Variants in RYK observed in about 807,000 individuals in gnomAD.
The protein encoded by RYK is receptor like tyrosine kinase.
In RYK, 21 loss-of-function variants were observed where a neutral mutation model predicts 70.2. That is an observed-to-expected ratio of 0.30 (90% CI 0.21 to 0.43). RYK has a LOEUF of 0.43. RYK is among the 20% of genes least tolerant of loss of function. The pLI is 1.00. For synonymous variants in RYK, 267 were observed against 278.0 expected (o/e 0.96, Z 0.39); for missense variants, 604 against 753.3 (o/e 0.80, Z 2.32).
Position 134,192,349 on chromosome 3 carries a change from C to A in RYK, c.890-375G>T, listed in dbSNP as rs116356302. Among the ~76,000 whole-genome samples, 1,200 of 152,120 alleles carry A rather than the reference C, an allele frequency of 7.9e-3. 14 individuals are homozygous for A. The highest frequency in any genetic ancestry group is 0.028 in the African/African-American group (1,149 of 41,516). On this transcript the variant is annotated intron_variant, in intron 7 of 14. Transcript: ENST00000623711. ...CTCCCAAAAGGTTTTCTAATATAGT[C>A]TCATAACACACCAACTTTTCAAATG...
At chr3:134,165,254 T>C (rs1458079399) in intron 13 of RYK, among the ~76,000 whole-genome samples, 1 of 152,218 alleles carries the variant, frequency 6.6e-6, no homozygotes, top group Non-Finnish European at 1.5e-5. Flanking sequence ...AACTCACTTA[T>C]TAGTTTTAGT....
At chr3:134,183,562 C>T (rs1192489603) in intron 9 of RYK, among the ~76,000 whole-genome samples, 1 of 152,158 alleles carries the variant, frequency 6.6e-6, no homozygotes, top group Admixed American at 6.5e-5. Flanking sequence ...AAAAATTCCA[C>T]TACCTACTAT....
chr3:134,204,269 T>C (rs368637397), intron 5 of RYK, among the ~76,000 whole-genome samples: 1 of 151,624 alleles, frequency 6.6e-6, no homozygotes, highest in South Asian at 2.1e-4. Flanking sequence ...CTGAGGTGGG[T>C]GATCCCTTGA....
chr3:134,249,890 C>G (rs893602718), intron 1 of RYK, among the ~76,000 whole-genome samples: 1 of 144,072 alleles, frequency 6.9e-6, no homozygotes, highest in Admixed American at 6.9e-5. Context: ...ATTTGGTGCC[C>G]TTATAACCTC....
At chr3:134,212,004 G>A (rs2107679922) in intron 2 of RYK, among the ~76,000 whole-genome samples, 1 of 152,306 alleles carries the variant, frequency 6.6e-6, no homozygotes, top group Admixed American at 6.5e-5. Flanking sequence ...TGAAAGCCAA[G>A]CTCGGAGGGC....
At chr3:134,178,117 A>C in intron 10 of RYK, 44 bp from the exon 11 acceptor site, 1 of 1,360,208 alleles carries the variant, frequency 7.4e-7, no homozygotes, top group South Asian at 1.4e-5. Flanking sequence ...AGGAATCCAA[A>C]ATGTTAGGGG....
At chr3:134,225,977 G>A (rs577453041) in intron 1 of RYK, among the ~76,000 whole-genome samples, 2 of 151,444 alleles carry the variant, frequency 1.3e-5, no homozygotes, top group Admixed American at 6.6e-5. Context: ...TCATGAATTA[G>A]ACCACATGCA....
chr3:134,175,343 TAAA>T (rs75907041), intron 13 of RYK, among the ~76,000 whole-genome samples: 8 of 128,882 alleles, frequency 6.2e-5, no homozygotes, highest in Admixed American at 7.8e-5. Context: ...AACTCTGTCT[TAAA>T]AAAAAAAAAA....
chr3:134,239,840 G>T (rs893031460), intron 1 of RYK, among the ~76,000 whole-genome samples: 1 of 152,234 alleles, frequency 6.6e-6, no homozygotes, highest in Non-Finnish European at 1.5e-5. Context: ...AGGCACTGGG[G>T]ATCAACCCTA....
chr3:134,242,712 T>A, intron 1 of RYK, among the ~76,000 whole-genome samples: 1 of 152,216 alleles, frequency 6.6e-6, no homozygotes, highest in East Asian at 1.9e-4. Flanking sequence ...TACTCACATG[T>A]TTGATTTGTC....
intron 11 of RYK, among the ~76,000 whole-genome samples, chr3:134,176,296 C>T (rs2013098012): frequency 6.6e-6 from 1 of 152,196 alleles, no homozygotes; most frequent in African/African-American, 2.4e-5. Context: ...CCCCAATATC[C>T]AGCACACACA....
intron 13 of RYK, 42 bp from the exon 14 acceptor site, chr3:134,159,415 A>C: frequency 6.5e-7 from 1 of 1,541,718 alleles, no homozygotes; most frequent in Non-Finnish European, 8.7e-7. Flanking sequence ...CATTTAAAAC[A>C]ACAGTCAGGG....
At chr3:134,249,917 G>GTTT (rs71624038) in intron 1 of RYK, among the ~76,000 whole-genome samples, 4,696 of 92,994 alleles carry the variant, frequency 0.05, 560 homozygotes, top group Non-Finnish European at 0.055. Context: ...TTTCTCTCTC[G>GTTT]TTTTTTTTTT....
chr3:134,171,762 G>A (rs980189435), intron 13 of RYK, among the ~76,000 whole-genome samples: 3 of 152,008 alleles, frequency 2.0e-5, no homozygotes, highest in Non-Finnish European at 4.4e-5. Flanking sequence ...AGCTACTCAG[G>A]AGGCTGAGGC....
chr3:134,166,906 C>T (rs1462599421), intron 13 of RYK, among the ~76,000 whole-genome samples: 1 of 152,046 alleles, frequency 6.6e-6, no homozygotes, highest in East Asian at 1.9e-4. Context: ...AAAACAATAC[C>T]ATTAAATAAA....
chr3:134,159,687 A>G (rs1476551329), intron 13 of RYK, among the ~76,000 whole-genome samples: 1 of 152,260 alleles, frequency 6.6e-6, no homozygotes, highest in Non-Finnish European at 1.5e-5. Context: ...AACTTTAAAT[A>G]TTATAGCTAG....
chr3:134,199,671 G>A (rs2013926860), intron 6 of RYK, among the ~76,000 whole-genome samples: 1 of 152,106 alleles, frequency 6.6e-6, no homozygotes, highest in Non-Finnish European at 1.5e-5. Flanking sequence ...TTGGATAACT[G>A]GATGTGAGCT....
intron 1 of RYK, among the ~76,000 whole-genome samples, chr3:134,225,510 A>G (rs2014882388): frequency 6.6e-6 from 1 of 152,184 alleles, no homozygotes; most frequent in African/African-American, 2.4e-5. Context: ...AGGCAAAAAG[A>G]AACACACAAA....
intron 1 of RYK, among the ~76,000 whole-genome samples, chr3:134,232,721 T>A (rs1373714539): frequency 6.6e-6 from 1 of 152,230 alleles, no homozygotes; most frequent in African/African-American, 2.4e-5. Flanking sequence ...CTGTTCAAAT[T>A]TTCACGCATC....
Sources: allele counts gnomAD v4.1 joint callset (sites outside exome capture counted in the v4.1 genomes callset), GRCh38; gene constraint gnomAD v4.1.1; transcripts MANE v1.5; gene names NCBI Gene and HGNC (gene_info 2026-07-23, HGNC 2026-07-21).